JPH3: variants seen among roughly 807,000 people sequenced by gnomAD.
JPH3 encodes junctophilin 3.
Under a neutral mutation model 59.6 loss-of-function variants are expected in JPH3, and 11 were observed. That is an observed-to-expected ratio of 0.18 (90% CI 0.12 to 0.31). JPH3 has a LOEUF of 0.31. Ranked by LOEUF, JPH3 falls within the 10% of genes least tolerant of loss-of-function variation. JPH3 has a pLI of 1.00. For synonymous variants in JPH3, 673 were observed against 483.6 expected (o/e 1.39, Z -5.14); for missense variants, 1,202 against 1,105.7 (o/e 1.09, Z -1.24).
chr16:87,672,870 G>A (rs899589376), intron 2 of JPH3, among the ~76,000 whole-genome samples: 2 of 152,224 alleles, frequency 1.3e-5, no homozygotes, highest in African/African-American at 2.4e-5. Flanking sequence ...ATGTAGGCCA[G>A]GCAGTGGCTT....
intron 1 of JPH3, among the ~76,000 whole-genome samples, chr16:87,641,108 G>A (rs904476614): frequency 2.0e-5 from 3 of 152,192 alleles, no homozygotes; most frequent in African/African-American, 4.8e-5. Flanking sequence ...CCTCCTCCCC[G>A]TGCCCATCAC....
chr16:87,644,710 G>A lies in JPH3; in HGVS notation c.835G>A (p.Asp279Asn), dbSNP rs375292901. Reference protein sequence around the residue: ...AEAELAVIEDDIDATTTETYV... With the variant: ...AEAELAVIEDNIDATTTETYV... Reference sequence around the variant, plus strand: ...GGCCGAGCTGGCGGTCATCGAGGACGACATCGACGCCACCACCACCGAGAC... The same window carrying A: ...GGCCGAGCTGGCGGTCATCGAGGACAACATCGACGCCACCACCACCGAGAC... The change falls in exon 2 of 5, where the codon GAC (aspartate) becomes AAC (asparagine). Residue 279 changes from aspartate (D) to asparagine (N), a missense_variant. Transcript: ENST00000284262. The A allele has an allele frequency of 5.0e-5, 81 of 1,609,810 alleles. No homozygotes were observed. The African/African-American group carries it at 6.6e-4, about 13-fold the overall frequency.
Position 87,644,649 on chromosome 16 carries a change from C to T in JPH3, c.774C>T (p.Ser258=), listed in dbSNP as rs200626151. 108 of 1,611,668 alleles carry T rather than the reference C, an allele frequency of 6.7e-5. No individual in the cohort carries two copies. In the East Asian group the frequency reaches 7.8e-4, roughly 12 times the overall value. The change falls in exon 2 of 5, where the codon AGC becomes AGT. Residue 258 remains serine, a synonymous_variant. Coordinates refer to ENST00000284262, the MANE Select transcript of JPH3 (RefSeq NM_020655.4). ...TGAGCACCGTCAGCTCCACGGCCAG[C>T]GACATCCACTCCACCATCAGCCTGG... ...AGMSTVSSTA[S]DIHSTISLGE...
intron 3 of JPH3, among the ~76,000 whole-genome samples, chr16:87,684,629 T>A (rs1246591303): frequency 6.6e-6 from 1 of 152,234 alleles, no homozygotes; most frequent in Non-Finnish European, 1.5e-5. Context: ...TGGAACTATC[T>A]GCTGGGTCCA....
intron 1 of JPH3, among the ~76,000 whole-genome samples, chr16:87,614,329 A>T (rs1014826931): frequency 6.6e-6 from 1 of 151,280 alleles, no homozygotes; most frequent in African/African-American, 2.4e-5. Context: ...AGGTCCCTGT[A>T]CACAGGAGGA....
intron 2 of JPH3, among the ~76,000 whole-genome samples, chr16:87,676,836 G>A (rs1404747339): frequency 6.6e-6 from 1 of 151,606 alleles, no homozygotes; most frequent in Non-Finnish European, 1.5e-5. Context: ...AGGAGTTCAA[G>A]TCCAGCCTGA....
intron 1 of JPH3, among the ~76,000 whole-genome samples, chr16:87,609,500 G>A (rs761470321): frequency 2.0e-4 from 31 of 152,180 alleles, no homozygotes; most frequent in Non-Finnish European, 3.5e-4. Context: ...CTGAACTCAG[G>A]CGATCTGCGT....
At chr16:87,653,065 C>T (rs1001230606) in intron 2 of JPH3, among the ~76,000 whole-genome samples, 2 of 151,118 alleles carry the variant, frequency 1.3e-5, no homozygotes, top group Admixed American at 6.6e-5. Context: ...CCAGTCAGTG[C>T]CTGCGGGGGG....
intron 1 of JPH3, among the ~76,000 whole-genome samples, chr16:87,635,749 G>C (rs1045942625): frequency 6.6e-6 from 1 of 152,154 alleles, no homozygotes; most frequent in African/African-American, 2.4e-5. Context: ...GCAAGGTTTA[G>C]GGGGTTTGTT....
chr16:87,696,328 A>G (rs756065065), intron 4 of JPH3, among the ~76,000 whole-genome samples: 7 of 151,962 alleles, frequency 4.6e-5, no homozygotes, highest in African/African-American at 2.4e-5. Context: ...CGGGGCCACA[A>G]GGGAATTCCA....
At chr16:87,659,290 T>G (rs2032617102) in intron 2 of JPH3, among the ~76,000 whole-genome samples, 1 of 144,036 alleles carries the variant, frequency 6.9e-6, no homozygotes, top group African/African-American at 2.6e-5. Context: ...GGCATGAGAA[T>G]CACTTGAACC....
chr16:87,628,331 G>A (rs755878494), intron 1 of JPH3, among the ~76,000 whole-genome samples: 3 of 152,240 alleles, frequency 2.0e-5, no homozygotes, highest in Non-Finnish European at 4.4e-5. Context: ...GCTGGGCACA[G>A]GGCTGCCACC....
intron 4 of JPH3, among the ~76,000 whole-genome samples, chr16:87,691,060 G>A (rs2033557489): frequency 6.6e-6 from 1 of 150,736 alleles, no homozygotes; most frequent in Admixed American, 6.6e-5. Context: ...CCCGCTGTGT[G>A]CAACTCACCG....
chr16:87,612,594 G>A (rs2030770226), intron 1 of JPH3, among the ~76,000 whole-genome samples: 1 of 152,176 alleles, frequency 6.6e-6, no homozygotes, highest in African/African-American at 2.4e-5. Context: ...CACTGACACT[G>A]GAAACTTTAA....
chr16:87,670,638 T>C (rs528281495), intron 2 of JPH3, among the ~76,000 whole-genome samples: 1 of 152,216 alleles, frequency 6.6e-6, no homozygotes, highest in Non-Finnish European at 1.5e-5. Flanking sequence ...TGCCACACAC[T>C]GCGGATGGGA....
At chr16:87,602,242 G>C (rs1273684970), upstream of JPH3, 1 of 151,024 alleles carries the variant, frequency 6.6e-6, no homozygotes. Context: ...ACTCCCGGAG[G>C]GGGCGGGGGC....
chr16:87,695,763 C>T (rs964975518), intron 4 of JPH3: 1 of 455,980 alleles, frequency 2.2e-6, no homozygotes, highest in African/African-American at 2.0e-5. Flanking sequence ...CAGCAGAGTG[C>T]AGGACTGCAA....
At chr16:87,648,988 G>A (rs1190478497) in intron 2 of JPH3, among the ~76,000 whole-genome samples, 2 of 152,218 alleles carry the variant, frequency 1.3e-5, no homozygotes, top group Admixed American at 6.5e-5. Context: ...TTGGCCCCAC[G>A]GGGAGATGAG....
intron 1 of JPH3, among the ~76,000 whole-genome samples, chr16:87,641,832 C>G (rs1194423385): frequency 6.6e-6 from 1 of 152,272 alleles, no homozygotes; most frequent in Non-Finnish European, 1.5e-5. Flanking sequence ...GCCTGCAACA[C>G]AAGTCCCTCT....
Sources: allele counts gnomAD v4.1 joint callset (sites outside exome capture counted in the v4.1 genomes callset), GRCh38; gene constraint gnomAD v4.1.1; transcripts MANE v1.5; gene names NCBI Gene and HGNC (gene_info 2026-07-23, HGNC 2026-07-21).